NCAM2: variants seen among roughly 807,000 people sequenced by gnomAD.
NCAM2 encodes neural cell adhesion molecule 2, also known as N-CAM-2.
A neutral mutation model predicts 98.1 loss-of-function variants in NCAM2; 30 were observed. That is an observed-to-expected ratio of 0.31 (90% CI 0.23 to 0.41). The LOEUF (loss-of-function observed/expected upper bound fraction) is 0.41. Ranked by LOEUF, NCAM2 falls within the 10% of genes least tolerant of loss-of-function variation. The pLI, the probability that NCAM2 is intolerant of heterozygous loss-of-function variation, is 1.00. For synonymous variants in NCAM2, 368 were observed against 342.4 expected, an observed-to-expected ratio of 1.07 and a Z score of -0.83; for missense variants, 867 against 1,005.8, an observed-to-expected ratio of 0.86 and a Z score of 1.87.
intron 1 of NCAM2, among the ~76,000 whole-genome samples, chr21:21,118,758 T>G (rs1394676345): frequency 1.3e-5 from 2 of 152,108 alleles, no homozygotes; most frequent in African/African-American, 4.8e-5. Context: ...AACACACATA[T>G]TATTTTACAT....
intron 5 of NCAM2, among the ~76,000 whole-genome samples, chr21:21,313,548 A>T (rs911647010): frequency 4.6e-5 from 7 of 151,710 alleles, no homozygotes; most frequent in African/African-American, 1.7e-4. Flanking sequence ...TGAATGGCAT[A>T]TTTTTTCTAT....
At chr21:21,285,804 A>C (rs1459371488) in intron 3 of NCAM2, among the ~76,000 whole-genome samples, 1 of 151,968 alleles carries the variant, frequency 6.6e-6, no homozygotes, top group Non-Finnish European at 1.5e-5. Context: ...ATGCTATGGA[A>C]TCCTATGGAA....
intron 1 of NCAM2, among the ~76,000 whole-genome samples, chr21:21,001,126 C>G (rs964657054): frequency 6.6e-6 from 1 of 152,066 alleles, no homozygotes; most frequent in Non-Finnish European, 1.5e-5. Context: ...TGATGTATTC[C>G]CTTTTTAGGA....
At chr21:21,085,077 A>C (rs1777597499) in intron 1 of NCAM2, among the ~76,000 whole-genome samples, 1 of 152,154 alleles carries the variant, frequency 6.6e-6, no homozygotes, top group Admixed American at 6.5e-5. Flanking sequence ...GGATTATGAA[A>C]ACCTGAAATT....
At position 21,474,838 on chromosome 21, in the gene NCAM2, AT is replaced by A. The variant is rs1301246234; in HGVS notation, c.1897-2451del. Among the ~76,000 whole-genome samples the A allele has an allele frequency of 3.9e-5, 6 of 152,074 alleles. No individual in the cohort carries two copies. In the South Asian group the frequency reaches 1.2e-3, roughly 32 times the overall value. On this transcript the variant is annotated intron_variant, in intron 14 of 17. Coordinates refer to ENST00000400546, the MANE Select transcript of NCAM2 (RefSeq NM_004540.5). ...ACATGCTACATGTATATATGTGCATATTCATACTGAATATGCTATACATAGC... is the reference window on the plus strand; with the variant it reads ...ACATGCTACATGTATATATGTGCATATCATACTGAATATGCTATACATAGC...
intron 1 of NCAM2, among the ~76,000 whole-genome samples, chr21:21,084,409 T>C (rs1175166149): frequency 1.3e-5 from 2 of 152,198 alleles, no homozygotes; most frequent in Admixed American, 6.5e-5. Context: ...CACAAGTGTT[T>C]TTCATGTTGT....
chr21:21,349,257 A>T (rs565597386), intron 8 of NCAM2, among the ~76,000 whole-genome samples: 7 of 152,274 alleles, frequency 4.6e-5, no homozygotes, highest in African/African-American at 1.7e-4. Context: ...CTAATCAAAA[A>T]ATGGGCAAAA....
rs1382366227 is a variant in NCAM2, at chr21:21,294,196, C to T, written c.619+1955C>T. 3.3e-5 allele frequency among the ~76,000 whole-genome samples: 5 copies of T among 151,358 alleles called. No homozygotes were observed. In the South Asian group the frequency reaches 8.3e-4, roughly 25 times the overall value. ...TTATAGCATGTTGTAATCTTTTTCC[C>T]TACTAGATTATCTGTGATTATTATG... On this transcript the variant is annotated intron_variant, in intron 5 of 17. Transcript: ENST00000400546.
chr21:21,176,966 T>C (rs1323876307), intron 1 of NCAM2, among the ~76,000 whole-genome samples: 4 of 152,058 alleles, frequency 2.6e-5, no homozygotes, highest in African/African-American at 7.2e-5. Flanking sequence ...TACACCTAAA[T>C]ATAAATGTCT....
At chr21:21,179,429 C>T (rs1414210227) in intron 1 of NCAM2, among the ~76,000 whole-genome samples, 2 of 152,116 alleles carry the variant, frequency 1.3e-5, no homozygotes, top group Non-Finnish European at 2.9e-5. Flanking sequence ...TTCCTCCCCT[C>T]ATATACTGTT....
At chr21:21,090,539 C>T (rs868784558) in intron 1 of NCAM2, among the ~76,000 whole-genome samples, 3 of 152,130 alleles carry the variant, frequency 2.0e-5, no homozygotes, top group Middle Eastern at 3.2e-3. Flanking sequence ...AGAAATATCC[C>T]TTGCCTATTT....
intron 9 of NCAM2, among the ~76,000 whole-genome samples, chr21:21,402,627 G>T (rs1248055306): frequency 2.0e-5 from 3 of 152,000 alleles, no homozygotes; most frequent in Non-Finnish European, 4.4e-5. Flanking sequence ...CTCCCTGTTT[G>T]TACACTCCCT....
intron 1 of NCAM2, among the ~76,000 whole-genome samples, chr21:21,111,031 A>G: frequency 6.6e-6 from 1 of 152,142 alleles, no homozygotes; most frequent in East Asian, 1.9e-4. Flanking sequence ...TTTGTTGTGT[A>G]CTATTTTTGT....
intron 11 of NCAM2, among the ~76,000 whole-genome samples, chr21:21,427,424 C>T (rs1377048970): frequency 6.6e-6 from 1 of 152,096 alleles, no homozygotes; most frequent in African/African-American, 2.4e-5. Context: ...TTAATCAAGA[C>T]GTGATAGCTG....
intron 1 of NCAM2, among the ~76,000 whole-genome samples, chr21:21,175,186 A>G (rs1449459832): frequency 1.3e-5 from 2 of 152,130 alleles, no homozygotes; most frequent in African/African-American, 4.8e-5. Flanking sequence ...TCAAGATGTA[A>G]ATTCAGTAAT....
chr21:21,474,629 A>G (rs768198884), intron 14 of NCAM2, among the ~76,000 whole-genome samples: 23 of 152,158 alleles, frequency 1.5e-4, no homozygotes, highest in Non-Finnish European at 1.9e-4. Context: ...ATTTACTCAC[A>G]TCAACCACTT....
intron 1 of NCAM2, among the ~76,000 whole-genome samples, chr21:21,058,818 G>A (rs1011269407): frequency 1.3e-5 from 2 of 151,914 alleles, no homozygotes; most frequent in East Asian, 3.9e-4. Flanking sequence ...CTGCATTTTT[G>A]CTTTTCCATT....
At chr21:21,355,756 C>T (rs1378841920) in intron 8 of NCAM2, among the ~76,000 whole-genome samples, 4 of 151,710 alleles carry the variant, frequency 2.6e-5, no homozygotes, top group African/African-American at 7.3e-5. Context: ...GCTGGGACTA[C>T]AGGCGCGTGC....
At chr21:21,136,611 G>A (rs2067056457) in intron 1 of NCAM2, among the ~76,000 whole-genome samples, 2 of 147,520 alleles carry the variant, frequency 1.4e-5, no homozygotes, top group Non-Finnish European at 3.0e-5. Context: ...ATAGGTGCAG[G>A]CCACCACGCC....
Sources: allele counts gnomAD v4.1 joint callset (sites outside exome capture counted in the v4.1 genomes callset), GRCh38; gene constraint gnomAD v4.1.1; transcripts MANE v1.5; gene names NCBI Gene and HGNC (gene_info 2026-07-23, HGNC 2026-07-21).